ASTN2: variants seen among roughly 807,000 people sequenced by gnomAD.
The protein encoded by ASTN2 is astrotactin-2.
ASTN2 carries 54 observed loss-of-function variants against 139.8 expected under a neutral mutation model. The observed-to-expected ratio is 0.39, with a 90% confidence interval of 0.31 to 0.48. The LOEUF (loss-of-function observed/expected upper bound fraction) is 0.48. ASTN2 is among the 20% of genes least tolerant of loss of function. The pLI is 0.95. For synonymous variants in ASTN2, 756 were observed against 719.5 expected (o/e 1.05, Z -0.81); for missense variants, 1,565 against 1,725.1 (o/e 0.91, Z 1.64).
chr9:117,089,693 C>T (rs1439283475), intron 5 of ASTN2, among the ~76,000 whole-genome samples: 1 of 151,564 alleles, frequency 6.6e-6, no homozygotes, highest in African/African-American at 2.4e-5. Flanking sequence ...CACCCTTCCC[C>T]CCAAGTCCCC....
chr9:117,402,525 C>T (rs1830862135), intron 1 of ASTN2, among the ~76,000 whole-genome samples: 1 of 152,142 alleles, frequency 6.6e-6, no homozygotes, highest in Admixed American at 6.5e-5. Flanking sequence ...GGGGGCAAAT[C>T]ACACATCAAT....
chr9:116,839,845 A>T (rs2416587), intron 11 of ASTN2, among the ~76,000 whole-genome samples: 97,404 of 125,618 alleles, frequency 0.78, 34,653 homozygotes, highest in Middle Eastern at 0.82. Context: ...TGATTTTTTT[A>T]TTTTATTTTA....
At chr9:117,294,484 T>A (rs1187135433) in intron 1 of ASTN2, among the ~76,000 whole-genome samples, 1 of 152,246 alleles carries the variant, frequency 6.6e-6, no homozygotes, top group Non-Finnish European at 1.5e-5. Context: ...GATCATTCAT[T>A]CACTCATTAT....
chr9:116,945,814 T>C (rs1221698631), intron 10 of ASTN2, among the ~76,000 whole-genome samples: 2 of 152,132 alleles, frequency 1.3e-5, no homozygotes, highest in African/African-American at 4.8e-5. Flanking sequence ...ACTTACCCCA[T>C]CCCACCTGTA....
At chr9:116,915,395 C>G (rs1197479360) in intron 10 of ASTN2, among the ~76,000 whole-genome samples, 2 of 152,118 alleles carry the variant, frequency 1.3e-5, no homozygotes, top group Non-Finnish European at 2.9e-5. Context: ...CCTCAAGTTC[C>G]TGACATAGAG....
intron 4 of ASTN2, among the ~76,000 whole-genome samples, chr9:117,106,202 T>C (rs1829098449): frequency 1.3e-5 from 2 of 152,140 alleles, no homozygotes; most frequent in South Asian, 4.1e-4. Context: ...CACAATCTTT[T>C]CATCCAAGCT....
chr9:117,142,757 C>CA (rs1830104786), intron 3 of ASTN2, among the ~76,000 whole-genome samples: 1 of 152,090 alleles, frequency 6.6e-6, no homozygotes, highest in African/African-American at 2.4e-5. Context: ...GAAGAGAAAA[C>CA]CAAAAAGAAG....
chr9:116,771,081 T>C (rs995601620), intron 13 of ASTN2, among the ~76,000 whole-genome samples: 4 of 152,240 alleles, frequency 2.6e-5, no homozygotes, highest in Admixed American at 2.6e-4. Flanking sequence ...ATCCATTCCT[T>C]TGTCCTTGCC....
intron 19 of ASTN2, among the ~76,000 whole-genome samples, chr9:116,556,571 T>C (rs928768070): frequency 6.6e-6 from 1 of 152,236 alleles, no homozygotes; most frequent in Non-Finnish European, 1.5e-5. Flanking sequence ...ATCGGAATTT[T>C]CTAAAATTGT....
intron 5 of ASTN2, among the ~76,000 whole-genome samples, chr9:117,070,686 T>C (rs1828092842): frequency 6.8e-6 from 1 of 146,372 alleles, no homozygotes; most frequent in Non-Finnish European, 1.5e-5. Context: ...TAGTCCCATA[T>C]TTCTTGGAGG....
intron 2 of ASTN2, among the ~76,000 whole-genome samples, chr9:117,247,071 GAGGAGGGAGATC>G (rs1026262584): frequency 8.5e-5 from 13 of 152,220 alleles, no homozygotes; most frequent in Non-Finnish European, 1.8e-4. Flanking sequence ...CAAAAGCACT[GAGGAGGGAGATC>G]ACGGCAGGCA....
At chr9:117,195,347 G>C (rs1831469981) in intron 3 of ASTN2, among the ~76,000 whole-genome samples, 1 of 152,174 alleles carries the variant, frequency 6.6e-6, no homozygotes, top group Non-Finnish European at 1.5e-5. Flanking sequence ...GGAGAAGAAG[G>C]TTAGCAAGTC....
At chr9:116,484,172 G>C (rs1321242322) in intron 20 of ASTN2, among the ~76,000 whole-genome samples, 1 of 152,210 alleles carries the variant, frequency 6.6e-6, no homozygotes, top group Non-Finnish European at 1.5e-5. Flanking sequence ...ACCAGCGACT[G>C]AGAAGAGTCA....
intron 19 of ASTN2, among the ~76,000 whole-genome samples, chr9:116,548,634 G>A (rs62574402): frequency 0.16 from 24,616 of 151,992 alleles, 2,515 homozygotes; most frequent in Non-Finnish European, 0.23. Context: ...CACTATGCTC[G>A]GCTAATTTTT....
chr9:116,471,358 G>T (rs1245380493), intron 20 of ASTN2, among the ~76,000 whole-genome samples: 1 of 152,246 alleles, frequency 6.6e-6, no homozygotes, highest in South Asian at 2.1e-4. Context: ...TTTAATCTGT[G>T]AATGTTTCCC....
chr9:116,975,271 G>T lies in ASTN2; in HGVS notation c.1826C>A (p.Ser609Tyr). The change falls in exon 10 of 23, where the codon TCC becomes TAC. Residue 609 changes from serine (S) to tyrosine (Y), a missense_variant. Around this residue, in one of 4 missense-constraint regions of ASTN2, gnomAD observed 503 missense variants for 591.7 expected, o/e 0.85. Coordinates refer to ENST00000313400, the MANE Select transcript of ASTN2 (RefSeq NM_001365068.1). ...CTTGCAGCTGGCCAGGGGGTTGATG[G>T]ACAGCTCCACAGGCGGAACCACAAA... ...KSFVVPPVELSINPLASCKTD... is the reference protein window; with the variant it reads ...KSFVVPPVELYINPLASCKTD... 6.2e-7 allele frequency: 1 copy of T among 1,613,500 alleles called. No individual in the cohort carries two copies. Among genetic ancestry groups the T allele is most frequent in the African/African-American group, 1.3e-5 (1 of 75,012 alleles).
At chr9:117,153,702 T>C (rs1830373684) in intron 3 of ASTN2, among the ~76,000 whole-genome samples, 1 of 152,108 alleles carries the variant, frequency 6.6e-6, no homozygotes, top group Non-Finnish European at 1.5e-5. Context: ...TAAATGGTCC[T>C]CCTCACAGCC....
intron 7 of ASTN2, among the ~76,000 whole-genome samples, chr9:116,990,550 C>T (rs1426462978): frequency 6.6e-6 from 1 of 152,206 alleles, no homozygotes; most frequent in African/African-American, 2.4e-5. Context: ...GGATAACGTG[C>T]ATAAGCCACC....
intron 14 of ASTN2, 78 bp from the exon 15 acceptor site, chr9:116,729,174 G>T: frequency 8.7e-7 from 1 of 1,149,958 alleles, no homozygotes; most frequent in Non-Finnish European, 1.2e-6. Context: ...TGCAGCTCTT[G>T]GCTCTGGGAA....
Sources: gnomAD v4.1 joint callset for allele counts (sites outside exome capture counted in the v4.1 genomes callset) on GRCh38, gnomAD v4.1.1 for gene constraint, gnomAD v4.1.1 regional missense constraint, MANE v1.5 for transcripts, NCBI Gene and HGNC (gene_info 2026-07-23, HGNC 2026-07-21) for gene names.